SEMA6B: variants seen among roughly 807,000 people sequenced by gnomAD.
SEMA6B encodes the protein semaphorin-6B.
In SEMA6B, 47 loss-of-function variants were observed where a neutral mutation model predicts 78.6. The ratio of observed to expected loss-of-function variants is 0.60; its 90% confidence interval spans 0.47 to 0.76. The LOEUF is 0.76. Ranked by LOEUF, SEMA6B falls within the 30% of genes least tolerant of loss-of-function variation. The pLI, the probability that SEMA6B is intolerant of heterozygous loss-of-function variation, is 0.00. For missense variants in SEMA6B, 1,213 were observed against 1,269.9 expected, an observed-to-expected ratio of 0.96 and a Z score of 0.68; for synonymous variants, 632 against 592.2, an observed-to-expected ratio of 1.07 and a Z score of -0.98.
Position 4,543,456 on chromosome 19 carries a change from CG to C in SEMA6B, c.*144del, listed in dbSNP as rs1977073066. On this transcript the variant is annotated 3_prime_UTR_variant, in exon 17 of 17. Coordinates refer to ENST00000586582, the MANE Select transcript of SEMA6B (RefSeq NM_032108.4). ...GCGAGCTGGTTGTGCTTCCTTGTGGCGGAGGGGGCCCCCCACTCCGCGGGTG... is the reference window on the plus strand; with the variant it reads ...GCGAGCTGGTTGTGCTTCCTTGTGGCGAGGGGGCCCCCCACTCCGCGGGTG... 10 of 137,920 alleles carry C rather than the reference CG, an allele frequency of 7.3e-5. No homozygotes were observed. In the South Asian group the frequency reaches 2.5e-3, roughly 35 times the overall value. 8.5% of individuals were successfully genotyped at this position (137,920 alleles called of 1,614,324 possible).
intron 10 of SEMA6B, among the ~76,000 whole-genome samples, chr19:4,551,785 C>G (rs375401598): frequency 9.2e-5 from 14 of 151,488 alleles, no homozygotes; most frequent in South Asian, 2.1e-4. Context: ...GCCGAGATCG[C>G]GCCACTGCAC....
chr19:4,549,770 G>A (rs934839751), intron 12 of SEMA6B, among the ~76,000 whole-genome samples: 11 of 152,048 alleles, frequency 7.2e-5, no homozygotes, highest in Non-Finnish European at 1.5e-4. Flanking sequence ...GAGCCACCAT[G>A]CCCGGCCAAT....
At position 4,557,229 on chromosome 19, in the gene SEMA6B, G is replaced by A; in HGVS notation, c.246-6C>T. 2 of 1,570,128 alleles carry A rather than the reference G, an allele frequency of 1.3e-6. No homozygotes were observed. The highest frequency in any genetic ancestry group is 1.7e-6 in the Non-Finnish European group (2 of 1,157,540). ...CTACGCGGTAGAGGTTGTCCCTGGG[G>A]GAGGGGCATAGTTAGTGAGAACTGG... On this transcript the variant is annotated splice_region_variant and splice_polypyrimidine_tract_variant and intron_variant, in intron 3 of 16. Transcript: ENST00000586582.
At chr19:4,557,593 G>A (rs1977507029) in intron 3 of SEMA6B, among the ~76,000 whole-genome samples, 1 of 152,166 alleles carries the variant, frequency 6.6e-6, no homozygotes. Context: ...GGTCACTTCC[G>A]CATCCTCCTC....
In SEMA6B at chr19:4,552,774, C is replaced by T. The variant is rs1032885421; in HGVS notation, c.772-135G>A. The T allele has an allele frequency of 5.3e-5, 41 of 777,380 alleles. No individual in the cohort carries two copies. The highest frequency in any genetic ancestry group is 7.4e-5 in the Non-Finnish European group (37 of 501,924). The allele number at this position is 777,380 out of a possible 1,614,324, so 48.2% of individuals were successfully genotyped here. ...CTCTGGTGGGACCCCGGCCAGTCAC[C>T]GTTCCTCTCTGGGCACCGGCTTCCC... is the stretch of plus-strand genomic sequence containing the variant. On this transcript the variant is annotated intron_variant, in intron 9 of 16. Coordinates refer to ENST00000586582, the MANE Select transcript of SEMA6B (RefSeq NM_032108.4). The surrounding 1 kb of genome is among the most constrained non-coding windows in gnomAD (Gnocchi z 7.4).
At chr19:4,554,898 T>C (rs1328903939) in intron 8 of SEMA6B, 78 bp downstream of exon 8, 1 of 1,529,352 alleles carries the variant, frequency 6.5e-7, no homozygotes. Context: ...CTGGGACTCT[T>C]ATTCTGGTGG....
chr19:4,544,408 C>CCAG lies in SEMA6B; in HGVS notation c.1857_1859dup (p.Gly619_Trp620insCys). On this transcript the variant is annotated inframe_insertion, in exon 17 of 17. Transcript: ENST00000586582. The surrounding 1 kb of genome is among the most constrained non-coding windows in gnomAD (Gnocchi z 5.1). ...CCCGCCGCTCACGGAGGCCCACGAA[C>CCAG]CAGCCCACGCTGAAGCCGGACACCA... is the stretch of plus-strand genomic sequence containing the variant. 6.2e-7 allele frequency: 1 copy of CCAG among 1,603,696 alleles called. No individual in the cohort carries two copies. The highest frequency in any genetic ancestry group is 8.5e-7 in the Non-Finnish European group (1 of 1,176,262).
chr19:4,546,051 G>T, intron 16 of SEMA6B, 165 bp downstream of exon 16: 1 of 650,010 alleles, frequency 1.5e-6, no homozygotes, highest in Non-Finnish European at 2.5e-6. Flanking sequence ...GATTACAGGC[G>T]TGAGCCACCG....
In SEMA6B at chr19:4,550,052, T is replaced by C; in HGVS notation, c.1271+71A>G. The C allele has an allele frequency of 6.6e-7, 1 of 1,510,154 alleles. No individual in the cohort carries two copies. Among genetic ancestry groups the C allele is most frequent in the Non-Finnish European group, 9.1e-7 (1 of 1,098,724 alleles). 93.5% of individuals were successfully genotyped at this position (1,510,154 alleles called of 1,614,324 possible). A position where few individuals can be genotyped will look rare whatever the true frequency, so the allele number is the denominator to read the frequency against. On this transcript the variant is annotated intron_variant, in intron 12 of 16. Coordinates refer to ENST00000586582, the MANE Select transcript of SEMA6B (RefSeq NM_032108.4). This position sits in a 1 kb window ranked among gnomAD's most constrained non-coding sequence, Gnocchi z 6.6. ...GCCATGGGCTCATCTGTGTTGAGCA[T>C]CTGGATCCTCTCACCCTCCATCTAC...
chr19:4,557,766 C>T (rs896259159), intron 3 of SEMA6B, among the ~76,000 whole-genome samples: 2 of 152,188 alleles, frequency 1.3e-5, no homozygotes, highest in Non-Finnish European at 2.9e-5. Context: ...ACCCTGGTCC[C>T]CTGGATTCCA....
Position 4,558,628 on chromosome 19 carries a change from A to G in SEMA6B, c.-32-139T>C. The G allele has an allele frequency of 2.5e-6, 1 of 399,182 alleles. No homozygotes were observed. Among genetic ancestry groups the G allele is most frequent in the Non-Finnish European group, 4.3e-6 (1 of 233,960 alleles). The allele number at this position is 399,182 out of a possible 1,614,324, so 24.7% of individuals were successfully genotyped here. On this transcript the variant is annotated intron_variant, in intron 1 of 16. Transcript: ENST00000586582. This position sits in a 1 kb window ranked among gnomAD's most constrained non-coding sequence, Gnocchi z 5.1. ...AATAATTAATAAAAACAATAATGGCAATAATAATAATAATACACAGCACTG... is the reference window on the plus strand; with the variant it reads ...AATAATTAATAAAAACAATAATGGCGATAATAATAATAATACACAGCACTG...
chr19:4,552,757 G>T lies in SEMA6B; in HGVS notation c.772-118C>A. On this transcript the variant is annotated intron_variant, in intron 9 of 16. Transcript: ENST00000586582. This position sits in a 1 kb window ranked among gnomAD's most constrained non-coding sequence, Gnocchi z 7.4. ...GAGGAGTCTGACCCTGGCTCTGGTG[G>T]GACCCCGGCCAGTCACCGTTCCTCT... is the stretch of plus-strand genomic sequence containing the variant. 1.0e-6 allele frequency: 1 copy of T among 965,804 alleles called. No individual in the cohort carries two copies. Among genetic ancestry groups the T allele is most frequent in the East Asian group, 2.7e-5 (1 of 36,756 alleles). The allele number at this position is 965,804 out of a possible 1,614,324, so 59.8% of individuals were successfully genotyped here.
Position 4,552,348 on chromosome 19 carries a change from G to C in SEMA6B, c.989+74C>G. The C allele has an allele frequency of 2.1e-6, 3 of 1,404,210 alleles. No individual in the cohort carries two copies. Among genetic ancestry groups the C allele is most frequent in the Non-Finnish European group, 1.9e-6 (2 of 1,027,872 alleles). 87.0% of individuals were successfully genotyped at this position (1,404,210 alleles called of 1,614,324 possible). Reference sequence around the variant, plus strand: ...CCAACCTAGCACCCAGGGCATACCTGAGGAGTGAATACAGGCCCTCTCTAC... The same window carrying C: ...CCAACCTAGCACCCAGGGCATACCTCAGGAGTGAATACAGGCCCTCTCTAC... On this transcript the variant is annotated intron_variant, in intron 10 of 16. Coordinates refer to ENST00000586582, the MANE Select transcript of SEMA6B (RefSeq NM_032108.4). This position sits in a 1 kb window ranked among gnomAD's most constrained non-coding sequence, Gnocchi z 7.4.
At chr19:4,548,230 T>C in intron 13 of SEMA6B, 33 bp downstream of exon 13, 1 of 1,592,596 alleles carries the variant, frequency 6.3e-7, no homozygotes. Flanking sequence ...CCCCTCCTGC[T>C]GGCGACCCCT....
At position 4,543,480 on chromosome 19, in the gene SEMA6B, G is replaced by A. The variant is rs370742909; in HGVS notation, c.*121C>T. On this transcript the variant is annotated 3_prime_UTR_variant, in exon 17 of 17. Transcript: ENST00000586582. Reference sequence around the variant, plus strand: ...GCGGAGGGGGCCCCCCACTCCGCGGGTGGGTCGCGGGGGGGACTTGAGCAC... The same window carrying A: ...GCGGAGGGGGCCCCCCACTCCGCGGATGGGTCGCGGGGGGGACTTGAGCAC... The A allele has an allele frequency of 4.3e-5, 15 of 351,558 alleles. 1 individual carries two copies. The highest frequency in any genetic ancestry group is 3.4e-4 in the Admixed American group (7 of 20,368). The allele number at this position is 351,558 out of a possible 1,614,324, so 21.8% of individuals were successfully genotyped here.
In SEMA6B at chr19:4,551,258, C is replaced by T. The variant is rs550458056; in HGVS notation, c.990-328G>A. Among the ~76,000 whole-genome samples, 215 of 147,338 alleles carry T rather than the reference C, an allele frequency of 1.5e-3. 1 individual carries two copies. The highest frequency in any genetic ancestry group is 5.1e-3 in the African/African-American group (203 of 39,556). ...TTTTGGAGACCGAGTCTTGCTCTGT[C>T]GCCCAGGCTGGAGTGCAGTGACGTG... On this transcript the variant is annotated intron_variant, in intron 10 of 16. Coordinates refer to ENST00000586582, the MANE Select transcript of SEMA6B (RefSeq NM_032108.4).
intron 9 of SEMA6B, among the ~76,000 whole-genome samples, chr19:4,553,448 G>GTGGATGGATGGATGGA (rs763844125): frequency 1.2e-3 from 144 of 116,184 alleles, no homozygotes; most frequent in African/African-American, 4.3e-3. Context: ...GGATGGGTGA[G>GTGGATGGATGGATGGA]TGGATGGATG....
Position 4,552,610 on chromosome 19 carries a change from G to A in SEMA6B, c.801C>T (p.Cys267=), listed in dbSNP as rs1193757771. The A allele has an allele frequency of 6.2e-7, 1 of 1,611,254 alleles. No homozygotes were observed. The stretch of plus-strand genomic sequence containing the variant: ...GGGGGGAGCCTCCCACGTCGTTCTT[G>A]CACACTCGGGCCACGCGGGACACCA... ...KVVVSRVARV[C]KNDVGGSPRV... is the part of the protein sequence containing the mutation. Residue 267 remains cysteine (C), a synonymous_variant, in exon 10 of 17, where the codon TGC becomes TGT. Transcript: ENST00000586582. This position sits in a 1 kb window ranked among gnomAD's most constrained non-coding sequence, Gnocchi z 7.4.
intron 5 of SEMA6B, 81 bp downstream of exon 5, chr19:4,556,870 T>G: frequency 1.5e-6 from 2 of 1,304,350 alleles, no homozygotes; most frequent in Non-Finnish European, 1.1e-6. Context: ...GGGGTGGGCG[T>G]GGCCTGGTCT....
Sources: allele counts gnomAD v4.1 joint callset (sites outside exome capture counted in the v4.1 genomes callset), GRCh38; gene constraint gnomAD v4.1.1; non-coding constraint Gnocchi (gnomAD v3.1); transcripts MANE v1.5; gene names NCBI Gene and HGNC (gene_info 2026-07-23, HGNC 2026-07-21).